SNED1: variants seen among roughly 807,000 people sequenced by gnomAD.
SNED1 encodes the protein sushi, nidogen and EGF like domains 1.
Under a neutral mutation model 166.7 loss-of-function variants are expected in SNED1, and 81 were observed. The observed-to-expected ratio is 0.49, with a 90% CI of 0.41 to 0.58. The LOEUF is 0.58. Ranked by LOEUF, SNED1 falls within the 20% of genes least tolerant of loss-of-function variation. SNED1 has a pLI of 0.00. For missense variants in SNED1, 1,604 were observed against 2,000.2 expected (o/e 0.80, Z 3.78); for synonymous variants, 762 against 822.0 (o/e 0.93, Z 1.25).
intron 8 of SNED1, chr2:241,040,920 G>A (rs748818780): frequency 2.2e-6 from 1 of 454,262 alleles, no homozygotes; most frequent in South Asian, 1.6e-5. Context: ...AGGCCAACTG[G>A]AGATTGCAGC....
At chr2:241,047,486 T>TA (rs1276252538) in intron 8 of SNED1, among the ~76,000 whole-genome samples, 1 of 152,222 alleles carries the variant, frequency 6.6e-6, no homozygotes, top group Non-Finnish European at 1.5e-5. Context: ...GGGCTTGGCC[T>TA]ACTTGGCATT....
At chr2:241,089,861 A>G (rs2063799275) in intron 31 of SNED1, 1 of 1,453,100 alleles carries the variant, frequency 6.9e-7, no homozygotes, top group Middle Eastern at 1.8e-4. Context: ...CTCCCGGGCT[A>G]CACACCACAG....
chr2:241,091,430 C>A lies in SNED1; in HGVS notation c.*2-208C>A, dbSNP rs1300805782. 1.3e-5 allele frequency among the ~76,000 whole-genome samples: 2 copies of A among 152,206 alleles called. No individual in the cohort carries two copies. Among genetic ancestry groups the A allele is most frequent in the Admixed American group, 1.3e-4 (2 of 15,292 alleles). ...AGGCTGCCCCTCCCCGTGTGCACTG[C>A]CATATGGTAGAATCCTGGTGCTCTA... On this transcript the variant is annotated intron_variant, in intron 31 of 31. Transcript: ENST00000310397. The surrounding 1 kb of genome is among the most constrained non-coding windows in gnomAD (Gnocchi z 4.1).
intron 27 of SNED1, among the ~76,000 whole-genome samples, chr2:241,077,473 G>C (rs1294094588): frequency 6.6e-6 from 1 of 152,148 alleles, no homozygotes; most frequent in African/African-American, 2.4e-5. Flanking sequence ...CATCAAGGAA[G>C]TGACATGACA....
rs1472675662 is a variant in SNED1 at position 241,069,141 on chromosome 2, G to C, written c.3307+118G>C. The C allele has an allele frequency of 1.5e-6, 1 of 672,194 alleles. No individual in the cohort carries two copies. The highest frequency in any genetic ancestry group is 1.8e-5 in the African/African-American group (1 of 55,050). 41.6% of individuals were successfully genotyped at this position (672,194 alleles called of 1,614,324 possible). ...CCACAACACCAGAAACCCAGCCCCT[G>C]GCCTCCCAGATGTCTCTTCCGCTGG... On this transcript the variant is annotated intron_variant, in intron 23 of 31. Coordinates refer to ENST00000310397, the MANE Select transcript of SNED1 (RefSeq NM_001080437.3). The surrounding 1 kb of genome is among the most constrained non-coding windows in gnomAD (Gnocchi z 4.9).
Position 241,071,664 on chromosome 2 carries a change from G to A in SNED1, c.3678G>A (p.Pro1226=), listed in dbSNP as rs374864933. 378 of 1,563,480 alleles carry A rather than the reference G, an allele frequency of 2.4e-4. No individual in the cohort carries two copies. Among genetic ancestry groups the A allele is most frequent in the Non-Finnish European group, 3.0e-4 (343 of 1,161,232 alleles). Residue 1226 remains proline, a synonymous_variant, in exon 25 of 32, where the codon CCG becomes CCA. Transcript: ENST00000310397. ...LKNRPPPARL[P]ELRLLNDHSA... Reference sequence around the variant, plus strand: ...ACAGACCGCCCCCGGCGCGCCTGCCGGAGCTGCGCCTGCTCAATGACCACA... The same window carrying A: ...ACAGACCGCCCCCGGCGCGCCTGCCAGAGCTGCGCCTGCTCAATGACCACA...
chr2:241,064,327 A>T lies in SNED1; in HGVS notation c.2599+202A>T, dbSNP rs943200446. 2.7e-5 allele frequency among the ~76,000 whole-genome samples: 4 copies of T among 148,398 alleles called. No individual in the cohort carries two copies. Among genetic ancestry groups the T allele is most frequent in the Non-Finnish European group, 6.0e-5 (4 of 67,006 alleles). ...TTGGTCCCACAATGGTGCCTTCTAA[A>T]CCTCCCCATCTCCTGCGCTCACCCC... On this transcript the variant is annotated intron_variant, in intron 19 of 31. Transcript: ENST00000310397. This position sits in a 1 kb window ranked among gnomAD's most constrained non-coding sequence, Gnocchi z 7.0.
Position 241,048,995 on chromosome 2 carries a change from G to A in SNED1, c.1505-27G>A, listed in dbSNP as rs976345197. On this transcript the variant is annotated intron_variant, in intron 10 of 31. Transcript: ENST00000310397. ...TCTGCTGGAAGACATGTGGAATATG[G>A]GATGGGGCTTCCTCCTTTCTCTCTA... 5 of 1,572,872 alleles carry A rather than the reference G, an allele frequency of 3.2e-6. No homozygotes were observed. In the African/African-American group the frequency reaches 4.1e-5, roughly 13 times the overall value.
At chr2:241,027,100 A>T (rs1170165157) in intron 1 of SNED1, among the ~76,000 whole-genome samples, 2 of 151,168 alleles carry the variant, frequency 1.3e-5, no homozygotes, top group East Asian at 3.9e-4. Flanking sequence ...TTTTTTTTAA[A>T]GACAGGGTCT....
intron 16 of SNED1, among the ~76,000 whole-genome samples, chr2:241,055,287 CAG>C (rs1325857755): frequency 6.6e-6 from 1 of 152,124 alleles, no homozygotes; most frequent in African/African-American, 2.4e-5. Flanking sequence ...CACAGAACGT[CAG>C]ACAGGAGCAA....
At chr2:241,014,611 C>T (rs998890687) in intron 1 of SNED1, among the ~76,000 whole-genome samples, 1 of 152,166 alleles carries the variant, frequency 6.6e-6, no homozygotes, top group South Asian at 2.1e-4. Context: ...ACAGAGTTAT[C>T]TTCTTTCTCG....
At chr2:241,089,468 C>G in intron 31 of SNED1, 1 of 1,527,350 alleles carries the variant, frequency 6.5e-7, no homozygotes, top group Non-Finnish European at 8.8e-7. Context: ...GAAGAGTGTC[C>G]ACACCCCCTT....
intron 1 of SNED1, among the ~76,000 whole-genome samples, chr2:241,021,512 T>C (rs1319126066): frequency 6.6e-6 from 1 of 152,242 alleles, no homozygotes; most frequent in Non-Finnish European, 1.5e-5. Flanking sequence ...ATTTGTCTGT[T>C]CTGGACATTT....
intron 1 of SNED1, among the ~76,000 whole-genome samples, chr2:241,017,497 A>T (rs1273369959): frequency 1.3e-5 from 2 of 152,248 alleles, no homozygotes; most frequent in African/African-American, 4.8e-5. Context: ...GATCTCTGCA[A>T]ACACAACCCT....
chr2:241,029,448 C>G (rs1470348678), intron 1 of SNED1, among the ~76,000 whole-genome samples: 1 of 152,170 alleles, frequency 6.6e-6, no homozygotes, highest in Non-Finnish European at 1.5e-5. Context: ...TAATCCCATT[C>G]ACCAGGGCTC....
rs2062542883 is a variant in SNED1, at chr2:241,068,159, A to G, written c.3194+212A>G. ...CTCATCAGGGCTGCCAAGAGAGGATACACCTTGGTAGTGTTTTAAAGTGTC... is the reference window on the plus strand; with the variant it reads ...CTCATCAGGGCTGCCAAGAGAGGATGCACCTTGGTAGTGTTTTAAAGTGTC... On this transcript the variant is annotated intron_variant, in intron 22 of 31. Transcript: ENST00000310397. This position sits in a 1 kb window ranked among gnomAD's most constrained non-coding sequence, Gnocchi z 5.3. Among the ~76,000 whole-genome samples the G allele has an allele frequency of 1.3e-5, 2 of 152,176 alleles. No individual in the cohort carries two copies. Among genetic ancestry groups the G allele is most frequent in the Non-Finnish European group, 2.9e-5 (2 of 68,040 alleles).
intron 1 of SNED1, among the ~76,000 whole-genome samples, chr2:241,006,660 G>A (rs1219057045): frequency 6.6e-6 from 1 of 152,210 alleles, no homozygotes; most frequent in Non-Finnish European, 1.5e-5. Context: ...ACAGATGGGT[G>A]TAGACATGGG....
intron 1 of SNED1, among the ~76,000 whole-genome samples, chr2:241,007,871 A>G (rs888445597): frequency 6.6e-6 from 1 of 152,164 alleles, no homozygotes; most frequent in African/African-American, 2.4e-5. Context: ...AGTCTCCTGA[A>G]TCGATGTGTG....
chr2:241,051,503 A>G lies in SNED1; in HGVS notation c.1736-241A>G, dbSNP rs1469927307. 1 of 403,818 alleles carries G rather than the reference A, an allele frequency of 2.5e-6. No homozygotes were observed. The highest frequency in any genetic ancestry group is 4.4e-6 in the Non-Finnish European group (1 of 228,120). The allele number at this position is 403,818 out of a possible 1,614,324, so 25.0% of individuals were successfully genotyped here. A position where few individuals can be genotyped will look rare whatever the true frequency, so the allele number is the denominator to read the frequency against. On this transcript the variant is annotated intron_variant, in intron 12 of 31. Transcript: ENST00000310397. This position sits in a 1 kb window ranked among gnomAD's most constrained non-coding sequence, Gnocchi z 4.7. ...CAGCCATTGCCAGAGCCTGGGCAGAAAAGAGGACAGGCAAGCAAAGGGCCC... is the reference window on the plus strand; with the variant it reads ...CAGCCATTGCCAGAGCCTGGGCAGAGAAGAGGACAGGCAAGCAAAGGGCCC...
Sources: allele counts gnomAD v4.1 joint callset (sites outside exome capture counted in the v4.1 genomes callset), GRCh38; gene constraint gnomAD v4.1.1; non-coding constraint Gnocchi (gnomAD v3.1); transcripts MANE v1.5; gene names NCBI Gene and HGNC (gene_info 2026-07-23, HGNC 2026-07-21).